LONP2: variants seen among roughly 807,000 people sequenced by gnomAD.
LONP2 encodes the protein lon protease homolog 2, peroxisomal.
LONP2 carries 60 observed loss-of-function variants against 85.6 expected under a neutral mutation model. That is an observed-to-expected ratio of 0.70 (90% CI 0.57 to 0.87). The LOEUF is 0.87. Ranked by LOEUF, LONP2 falls within the 40% of genes least tolerant of loss-of-function variation. The pLI is 0.00. For synonymous variants in LONP2, 395 were observed against 389.7 expected (o/e 1.01, Z -0.16); for missense variants, 860 against 1,063.5 (o/e 0.81, Z 2.66).
At chr16:48,244,781 A>G (rs1342845191) in intron 1 of LONP2, among the ~76,000 whole-genome samples, 160 bp downstream of exon 1, 1 of 152,178 alleles carries the variant, frequency 6.6e-6, no homozygotes, top group African/African-American at 2.4e-5. Flanking sequence ...TGGGGATGTC[A>G]GATACCTGCC....
At chr16:48,277,177 CTT>C (rs1480268680) in intron 7 of LONP2, among the ~76,000 whole-genome samples, 159 bp from the exon 8 acceptor site, 10 of 152,192 alleles carry the variant, frequency 6.6e-5, no homozygotes, top group African/African-American at 2.4e-4. Context: ...AATATAATAA[CTT>C]TTGATTTATC....
intron 8 of LONP2, among the ~76,000 whole-genome samples, chr16:48,292,588 A>G (rs187112540): frequency 1.2e-4 from 18 of 152,332 alleles, no homozygotes; most frequent in Admixed American, 1.2e-3. Flanking sequence ...AGTTTGGCCT[A>G]AAGGTTTCCC....
rs1960146112 is a variant in LONP2, at chr16:48,351,512, A to G, written c.2338-69A>G. The stretch of plus-strand genomic sequence containing the variant: ...GTAGTGGTTAAATTCAGTGAAAGAA[A>G]GCTGGGTCAGGGTTTCTTTCAGCTT... On this transcript the variant is annotated intron_variant, in intron 14 of 14. Coordinates refer to ENST00000285737, the MANE Select transcript of LONP2 (RefSeq NM_031490.5). 16 of 1,250,954 alleles carry G rather than the reference A, an allele frequency of 1.3e-5. No individual in the cohort carries two copies. In the South Asian group the frequency reaches 2.2e-4, roughly 17 times the overall value. 77.5% of individuals were successfully genotyped at this position (1,250,954 alleles called of 1,614,324 possible). A position where few individuals can be genotyped will look rare whatever the true frequency, so the allele number is the denominator to read the frequency against.
At chr16:48,350,014 A>T (rs532190484) in intron 14 of LONP2, among the ~76,000 whole-genome samples, 6 of 152,286 alleles carry the variant, frequency 3.9e-5, no homozygotes, top group African/African-American at 1.4e-4. Flanking sequence ...GCACTTTGGG[A>T]GGCTAAACAG....
intron 12 of LONP2, among the ~76,000 whole-genome samples, chr16:48,341,126 C>A (rs1209273065): frequency 2.0e-5 from 3 of 151,966 alleles, no homozygotes; most frequent in African/African-American, 7.3e-5. Context: ...TATGGTGAAA[C>A]CCTGTCTCTA....
At chr16:48,251,956 G>C (rs1427854723) in intron 1 of LONP2, among the ~76,000 whole-genome samples, 175 bp from the exon 2 acceptor site, 3 of 152,138 alleles carry the variant, frequency 2.0e-5, no homozygotes, top group African/African-American at 7.2e-5. Context: ...TATAGCTGAG[G>C]GTAGTGGCAG....
rs1486081517 is a variant in LONP2 at position 48,356,735 on chromosome 16, A to C, written c.*4933A>C. The C allele has an allele frequency of 3.1e-6, 1 of 327,308 alleles. No homozygotes were observed. Among genetic ancestry groups the C allele is most frequent in the South Asian group, 2.4e-5 (1 of 41,096 alleles). 20.3% of individuals were successfully genotyped at this position (327,308 alleles called of 1,614,324 possible). On this transcript the variant is annotated 3_prime_UTR_variant, in exon 15 of 15. Transcript: ENST00000285737. ...GGTGAGTGGTCATTGAGATGTTTTAAAAGTTACAGCAAAAGGACTTCTAAA... is the reference window on the plus strand; with the variant it reads ...GGTGAGTGGTCATTGAGATGTTTTACAAGTTACAGCAAAAGGACTTCTAAA...
chr16:48,250,936 A>T (rs1156460126), intron 1 of LONP2, among the ~76,000 whole-genome samples: 1 of 152,198 alleles, frequency 6.6e-6, no homozygotes. Context: ...TCACCAATTT[A>T]TCTTCTCAGT....
intron 11 of LONP2, among the ~76,000 whole-genome samples, chr16:48,306,111 C>T (rs1389462453): frequency 1.3e-5 from 2 of 152,136 alleles, no homozygotes; most frequent in East Asian, 3.8e-4. Flanking sequence ...GTGCTGTGAT[C>T]TCAAGCAACT....
intron 3 of LONP2, among the ~76,000 whole-genome samples, chr16:48,258,019 A>G (rs1779346346): frequency 6.6e-6 from 1 of 152,226 alleles, no homozygotes; most frequent in Non-Finnish European, 1.5e-5. Context: ...GAAAGAGTTG[A>G]CGTCAACTGT....
chr16:48,327,450 G>GT (rs1368522820), intron 11 of LONP2, among the ~76,000 whole-genome samples: 4 of 151,866 alleles, frequency 2.6e-5, no homozygotes, highest in Non-Finnish European at 2.9e-5. Flanking sequence ...TTATTACTTA[G>GT]TTTTTTTGTT....
At chr16:48,276,432 C>T (rs900219895) in intron 7 of LONP2, among the ~76,000 whole-genome samples, 9 of 152,164 alleles carry the variant, frequency 5.9e-5, no homozygotes, top group Non-Finnish European at 1.3e-4. Flanking sequence ...GCTTTTATGC[C>T]TTTTCAGAGA....
At chr16:48,332,775 T>C (rs919623715) in intron 11 of LONP2, among the ~76,000 whole-genome samples, 60 of 150,548 alleles carry the variant, frequency 4.0e-4, no homozygotes, top group African/African-American at 1.5e-3. Flanking sequence ...GGGCATGGTG[T>C]TGTGCACCAG....
rs1960277968 is a variant in LONP2, at chr16:48,354,831, A to G, written c.*3029A>G. On this transcript the variant is annotated 3_prime_UTR_variant, in exon 15 of 15. Transcript: ENST00000285737. ...GGGATGAACCTCTTCCTCCTTTGCC[A>G]CTTTAGCTTTAGCTCAAAGGAACTC... The G allele has an allele frequency of 6.6e-6, 1 of 152,178 alleles. No individual in the cohort carries two copies. The highest frequency in any genetic ancestry group is 6.5e-5 in the Admixed American group (1 of 15,276). 9.4% of individuals were successfully genotyped at this position (152,178 alleles called of 1,614,324 possible). A position where few individuals can be genotyped will look rare whatever the true frequency, so the allele number is the denominator to read the frequency against.
intron 11 of LONP2, among the ~76,000 whole-genome samples, chr16:48,330,999 C>G (rs1959422995): frequency 6.6e-6 from 1 of 152,192 alleles, no homozygotes; most frequent in African/African-American, 2.4e-5. Context: ...CTTTCACCCA[C>G]TGAGCTTTAC....
intron 8 of LONP2, among the ~76,000 whole-genome samples, chr16:48,284,604 G>T (rs1018678716): frequency 6.6e-6 from 1 of 152,102 alleles, no homozygotes; most frequent in Non-Finnish European, 1.5e-5. Flanking sequence ...GTTAATTAAG[G>T]CATGTACATT....
At chr16:48,305,947 T>TA (rs1054443705) in intron 11 of LONP2, among the ~76,000 whole-genome samples, 5 of 152,140 alleles carry the variant, frequency 3.3e-5, no homozygotes, top group Admixed American at 6.6e-5. Context: ...AATTTGAATT[T>TA]AAAAAAAATG....
intron 10 of LONP2, among the ~76,000 whole-genome samples, 155 bp downstream of exon 10, chr16:48,299,943 T>A (rs1972767835): frequency 6.6e-6 from 1 of 152,268 alleles, no homozygotes; most frequent in African/African-American, 2.4e-5. Flanking sequence ...TGGCATCCCA[T>A]AGCATCCATT....
intron 9 of LONP2, among the ~76,000 whole-genome samples, chr16:48,297,029 GAC>G (rs1567328493): frequency 6.6e-6 from 1 of 152,012 alleles, no homozygotes; most frequent in East Asian, 1.9e-4. Context: ...ATTATTTAGA[GAC>G]AGAGTCTAGC....
Sources: gnomAD v4.1 joint callset for allele counts (sites outside exome capture counted in the v4.1 genomes callset) on GRCh38, gnomAD v4.1.1 for gene constraint, MANE v1.5 for transcripts, NCBI Gene and HGNC (gene_info 2026-07-23, HGNC 2026-07-21) for gene names.